Variants in TMEM204 observed in about 807,000 individuals in gnomAD.
The protein encoded by TMEM204 is claudin-like protein 24.
Under a neutral mutation model 19.4 loss-of-function variants are expected in TMEM204, and 15 were observed. The observed-to-expected ratio is 0.77, with a 90% confidence interval of 0.52 to 1.19. The LOEUF is 1.19. TMEM204 is among the 50% of genes most tolerant of loss of function. The pLI is 0.00. For synonymous variants in TMEM204, 161 were observed against 146.0 expected (o/e 1.10, Z -0.74); for missense variants, 287 against 321.2 (o/e 0.89, Z 0.81).
chr16:1,553,699 C>A lies in TMEM204; in HGVS notation c.437-1083C>A. On this transcript the variant is annotated intron_variant, in intron 2 of 2. Transcript: ENST00000566264. The surrounding 1 kb of genome is among the most constrained non-coding windows in gnomAD (Gnocchi z 4.4). ...CTGGGGCTGAAGGCTGGCTGGAGGC[C>A]CCATGGCCTCCAGGACAATCTGTGG... 1 of 1,076,170 alleles carries A rather than the reference C, an allele frequency of 9.3e-7. No individual in the cohort carries two copies. The highest frequency in any genetic ancestry group is 1.1e-6 in the Non-Finnish European group (1 of 880,624). The allele number at this position is 1,076,170 out of a possible 1,614,324, so 66.7% of individuals were successfully genotyped here. A position where few individuals can be genotyped will look rare whatever the true frequency, so the allele number is the denominator to read the frequency against.
intron 2 of TMEM204, 119 bp downstream of exon 2, chr16:1,542,195 A>G (rs1369827003): frequency 2.6e-6 from 3 of 1,149,162 alleles, no homozygotes; most frequent in South Asian, 3.4e-5. Context: ...ACCTCTCAAC[A>G]TGGCCACAGG....
At position 1,551,236 on chromosome 16, in the gene TMEM204, G is replaced by A. The variant is rs913168628; in HGVS notation, c.437-3546G>A. Among the ~76,000 whole-genome samples, 1 of 152,248 alleles carries A rather than the reference G, an allele frequency of 6.6e-6. No individual in the cohort carries two copies. The highest frequency in any genetic ancestry group is 1.5e-5 in the Non-Finnish European group (1 of 68,048). On this transcript the variant is annotated intron_variant, in intron 2 of 2. Transcript: ENST00000566264. The surrounding 1 kb of genome is among the most constrained non-coding windows in gnomAD (Gnocchi z 4.0). ...CCGGGGAGCCTGCCCTGTGGCGGGG[G>A]AGAGCGGCCAGAGCCACCCATGGGT...
chr16:1,534,412 G>A lies in TMEM204; in HGVS notation c.137G>A (p.Trp46Ter). 1 of 1,612,642 alleles carries A rather than the reference G, an allele frequency of 6.2e-7. No individual in the cohort carries two copies. Among genetic ancestry groups the A allele is most frequent in the East Asian group, 2.2e-5 (1 of 44,872 alleles). Residue 46 changes from tryptophan (W) to a stop codon, truncating the protein, a stop_gained, in exon 1 of 3, where the codon TGG becomes TAG. Transcript: ENST00000566264. LOFTEE classifies it high-confidence loss of function. ...EDGRRRSVGL[W>*]RSCWLVDRTR... ...GGGCGCAGGCGCAGCGTGGGGCTGT[G>A]GAGGTCCTGCTGGCTGGTGGACAGG...
At chr16:1,541,460 C>G in intron 1 of TMEM204, 1 of 985,398 alleles carries the variant, frequency 1.0e-6, no homozygotes, top group Non-Finnish European at 1.2e-6. Context: ...CAGGACAGCA[C>G]GCCTGAGGAG....
At chr16:1,543,272 G>C (rs2031824479) in intron 2 of TMEM204, among the ~76,000 whole-genome samples, 1 of 152,272 alleles carries the variant, frequency 6.6e-6, no homozygotes, top group Admixed American at 6.5e-5. Flanking sequence ...AGGAAGTCCA[G>C]AGTGAATCAT....
rs1011257877 is a variant in TMEM204, at chr16:1,551,543, T to C, written c.437-3239T>C. Among the ~76,000 whole-genome samples the C allele has an allele frequency of 3.3e-5, 5 of 152,114 alleles. No individual in the cohort carries two copies. The highest frequency in any genetic ancestry group is 1.2e-4 in the African/African-American group (5 of 41,430). On this transcript the variant is annotated intron_variant, in intron 2 of 2. Coordinates refer to ENST00000566264, the MANE Select transcript of TMEM204 (RefSeq NM_024600.6). This position sits in a 1 kb window ranked among gnomAD's most constrained non-coding sequence, Gnocchi z 4.0. ...CTGGGGAGACAGGATGTGAGTTTCA[T>C]ACAGATCAGGGTGCAGCGGTGGAGG... is the stretch of plus-strand genomic sequence containing the variant.
chr16:1,543,248 A>G (rs577828549), intron 2 of TMEM204, among the ~76,000 whole-genome samples: 3 of 152,340 alleles, frequency 2.0e-5, no homozygotes, highest in Non-Finnish European at 4.4e-5. Flanking sequence ...TGCAGTTCCC[A>G]CAGAGGAAGT....
chr16:1,548,938 CA>C (rs1411021800), intron 2 of TMEM204, among the ~76,000 whole-genome samples: 1 of 152,244 alleles, frequency 6.6e-6, no homozygotes, highest in African/African-American at 2.4e-5. Flanking sequence ...TCCCTCATGC[CA>C]GGCATCTGTT....
intron 1 of TMEM204, chr16:1,541,403 G>A: frequency 1.0e-6 from 1 of 985,418 alleles, no homozygotes; most frequent in Non-Finnish European, 1.2e-6. Flanking sequence ...CTGCTGGGAG[G>A]AGGGAACACC....
At chr16:1,549,683 CG>C (rs1567357636) in intron 2 of TMEM204, among the ~76,000 whole-genome samples, 3 of 152,102 alleles carry the variant, frequency 2.0e-5, no homozygotes, top group Non-Finnish European at 2.9e-5. Flanking sequence ...CCACCTGCCT[CG>C]GCCTCCCAAA....
Position 1,555,229 on chromosome 16 carries a change from G to A in TMEM204, c.*203G>A, listed in dbSNP as rs976446071. On this transcript the variant is annotated 3_prime_UTR_variant, in exon 3 of 3. Coordinates refer to ENST00000566264, the MANE Select transcript of TMEM204 (RefSeq NM_024600.6). The stretch of plus-strand genomic sequence containing the variant: ...TCTGTACGTGTCGTGGGCCAACCTC[G>A]TTCTGCCTCCAGCTTTCCTGGTTAG... The A allele has an allele frequency of 4.7e-6, 3 of 637,056 alleles. No homozygotes were observed. The highest frequency in any genetic ancestry group is 2.1e-5 in the South Asian group (1 of 47,872). The allele number at this position is 637,056 out of a possible 1,614,324, so 39.5% of individuals were successfully genotyped here.
At chr16:1,549,015 C>T (rs765748670) in intron 2 of TMEM204, among the ~76,000 whole-genome samples, 37 of 152,236 alleles carry the variant, frequency 2.4e-4, no homozygotes, top group Admixed American at 6.5e-5. Context: ...AGCCACCTGG[C>T]GCTCTCCAGC....
At chr16:1,549,931 T>C (rs538604146) in intron 2 of TMEM204, among the ~76,000 whole-genome samples, 1 of 152,332 alleles carries the variant, frequency 6.6e-6, no homozygotes, top group Admixed American at 6.5e-5. Flanking sequence ...TGTGAACTCA[T>C]ACTTCTTTAA....
intron 2 of TMEM204, among the ~76,000 whole-genome samples, chr16:1,547,088 G>A (rs1324977666): frequency 2.6e-5 from 4 of 152,194 alleles, no homozygotes; most frequent in South Asian, 4.1e-4. Flanking sequence ...GCATGATGCC[G>A]AAGGCTTCTC....
At chr16:1,554,756 C>T (rs150002115) in intron 2 of TMEM204, 26 bp from the exon 3 acceptor site, 8 of 1,611,476 alleles carry the variant, frequency 5.0e-6, no homozygotes, top group Middle Eastern at 1.7e-4. Flanking sequence ...TCAGACAAGG[C>T]CTCTCAACCC....
intron 1 of TMEM204, among the ~76,000 whole-genome samples, chr16:1,540,269 A>G (rs1211831343): frequency 2.6e-5 from 4 of 152,220 alleles, no homozygotes; most frequent in African/African-American, 9.6e-5. Flanking sequence ...TCCAGATTGC[A>G]TTTCAATAAA....
chr16:1,552,814 A>T, intron 2 of TMEM204: 8 of 204,870 alleles, frequency 3.9e-5, no homozygotes, highest in Non-Finnish European at 6.6e-5. Context: ...CACCTCACTA[A>T]TTTTTTTTTT....
chr16:1,554,669 G>C (rs376906005), intron 2 of TMEM204, 113 bp from the exon 3 acceptor site: 1 of 1,456,078 alleles, frequency 6.9e-7, no homozygotes. Context: ...CTAGGACAGA[G>C]GGCTGGGGAA....
chr16:1,547,969 A>G (rs954675014), intron 2 of TMEM204, among the ~76,000 whole-genome samples: 3 of 152,164 alleles, frequency 2.0e-5, no homozygotes, highest in African/African-American at 7.2e-5. Context: ...GGCCACTGCA[A>G]TCAGCCTGGT....
Sources: allele counts gnomAD v4.1 joint callset (sites outside exome capture counted in the v4.1 genomes callset), GRCh38; gene constraint gnomAD v4.1.1; non-coding constraint Gnocchi (gnomAD v3.1); transcripts MANE v1.5; gene names NCBI Gene and HGNC (gene_info 2026-07-23, HGNC 2026-07-21).